The following NFIC variants were observed in gnomAD, a reference collection of about 807,000 sequenced individuals.
The protein encoded by NFIC is nuclear factor I C.
A neutral mutation model predicts 54.4 loss-of-function variants in NFIC; 12 were observed. The observed-to-expected ratio is 0.22, with a 90% confidence interval of 0.14 to 0.36. NFIC has a LOEUF of 0.36. NFIC is among the 10% of genes least tolerant of loss of function. The probability of loss-of-function intolerance (pLI) is 1.00; values close to 1 mark genes in which losing one functional copy is unlikely to be tolerated. For synonymous variants in NFIC, 322 were observed against 319.2 expected, an observed-to-expected ratio of 1.01 and a Z score of -0.09; for missense variants, 575 against 718.2, an observed-to-expected ratio of 0.80 and a Z score of 2.28.
intron 2 of NFIC, among the ~76,000 whole-genome samples, chr19:3,395,258 C>G (rs1365301381): frequency 6.6e-6 from 1 of 152,036 alleles, no homozygotes; most frequent in Non-Finnish European, 1.5e-5. Context: ...ACTGGGGAGG[C>G]TGAGGCAGGA....
intron 2 of NFIC, among the ~76,000 whole-genome samples, chr19:3,399,825 C>T (rs2081525703): frequency 1.3e-5 from 2 of 149,778 alleles, no homozygotes; most frequent in South Asian, 2.1e-4. Context: ...GAGCCGAGAT[C>T]GTGCCACTGC....
rs573011165 is a variant in NFIC, at chr19:3,445,166, C to T, written c.959-3848C>T. Among the ~76,000 whole-genome samples, 688 of 152,144 alleles carry T rather than the reference C, an allele frequency of 4.5e-3. 4 individuals are homozygous for T. Among genetic ancestry groups the T allele is most frequent in the African/African-American group, 0.015 (638 of 41,492 alleles). On this transcript the variant is annotated intron_variant, in intron 6 of 10. Transcript: ENST00000443272. ...CTGTGCACATGCGTGCAGGCATACA[C>T]ACATACATGCACGCACACACATGCA...
intron 1 of NFIC, among the ~76,000 whole-genome samples, chr19:3,373,166 T>C (rs1451827339): frequency 6.6e-6 from 1 of 152,154 alleles, no homozygotes; most frequent in Non-Finnish European, 1.5e-5. Flanking sequence ...GTAGACGTGA[T>C]AGCTCAGCAA....
chr19:3,433,409 G>C, intron 3 of NFIC, 109 bp from the exon 4 acceptor site: 1 of 1,116,750 alleles, frequency 9.0e-7, no homozygotes, highest in Non-Finnish European at 1.3e-6. Context: ...GATGGACAGG[G>C]GGAACGTCCA....
intron 2 of NFIC, among the ~76,000 whole-genome samples, chr19:3,387,749 G>T (rs537645138): frequency 2.0e-5 from 3 of 152,010 alleles, no homozygotes; most frequent in Non-Finnish European, 4.4e-5. Flanking sequence ...GGATGTTCAG[G>T]GGGTAGTGAG....
intron 2 of NFIC, among the ~76,000 whole-genome samples, chr19:3,394,514 T>TCCCCCCCCCCCC (rs199958298): frequency 4.8e-4 from 12 of 25,196 alleles, no homozygotes; most frequent in Non-Finnish European, 7.2e-4. Flanking sequence ...TATGATCTTT[T>TCCCCCCCCCCCC]CCCCACCCAC....
Position 3,449,128 on chromosome 19 carries a change from C to A in NFIC, c.1073C>A (p.Ala358Asp). The change falls in exon 7 of 11, where the codon GCC becomes GAC. Residue 358 changes from alanine to aspartate, a missense_variant. Transcript: ENST00000443272. ...SFTQHHRPVI[A>D]VHSGIARSPH... ...ACCCAGCACCACCGGCCCGTCATCGCCGTGCACAGCGGTAAGCGCCACGGG... is the reference window on the plus strand; with the variant it reads ...ACCCAGCACCACCGGCCCGTCATCGACGTGCACAGCGGTAAGCGCCACGGG... 6.2e-7 allele frequency: 1 copy of A among 1,613,248 alleles called. No homozygotes were observed. The highest frequency in any genetic ancestry group is 8.5e-7 in the Non-Finnish European group (1 of 1,179,616).
intron 2 of NFIC, among the ~76,000 whole-genome samples, chr19:3,385,142 C>A (rs1222304609): frequency 6.7e-6 from 1 of 149,290 alleles, no homozygotes; most frequent in East Asian, 2.0e-4. Context: ...CCAAGGGAAT[C>A]CCTGCTTCAA....
Position 3,380,205 on chromosome 19 carries a change from T to A in NFIC, c.31-1507T>A, listed in dbSNP as rs146006206. Among the ~76,000 whole-genome samples, 22 of 150,090 alleles carry A rather than the reference T, an allele frequency of 1.5e-4. No individual in the cohort carries two copies. In the South Asian group the frequency reaches 4.7e-3, roughly 32 times the overall value. ...TTTTTCAGTAGAGACGGGGTTTCACTGTGTTAGCCAGGATGGTCTCAATCT... is the reference window on the plus strand; with the variant it reads ...TTTTTCAGTAGAGACGGGGTTTCACAGTGTTAGCCAGGATGGTCTCAATCT... On this transcript the variant is annotated intron_variant, in intron 1 of 10. Coordinates refer to ENST00000443272, the MANE Select transcript of NFIC (RefSeq NM_001245002.2).
intron 2 of NFIC, among the ~76,000 whole-genome samples, chr19:3,413,515 GGCGATTACCGTCCCCCATAT>G (rs2145573866): frequency 6.6e-6 from 1 of 152,170 alleles, no homozygotes; most frequent in South Asian, 2.1e-4. Flanking sequence ...TTCCCCAGCT[GGCGATTACCGTCCCCCATAT>G]GGGGACGGTA....
At chr19:3,454,629 C>G (rs1396421177) in intron 9 of NFIC, among the ~76,000 whole-genome samples, 3 of 152,036 alleles carry the variant, frequency 2.0e-5, no homozygotes. Context: ...CCCCACGACC[C>G]CCATGCAGGC....
At chr19:3,366,964 C>CT (rs989526958) in intron 1 of NFIC, among the ~76,000 whole-genome samples, 3 of 148,880 alleles carry the variant, frequency 2.0e-5, no homozygotes, top group Non-Finnish European at 4.5e-5. Context: ...TTGCGTCCCC[C>CT]CCCCACACAC....
upstream of NFIC, among the ~76,000 whole-genome samples, chr19:3,364,634 A>G (rs1378749461): frequency 2.0e-5 from 3 of 152,118 alleles, no homozygotes; most frequent in Non-Finnish European, 2.9e-5. Context: ...TCCTGTTACT[A>G]TAGCCATTTT....
rs1434067207 is a variant in NFIC at position 3,452,906 on chromosome 19, T to TC, written c.1269+243dup. Among the ~76,000 whole-genome samples the TC allele has an allele frequency of 6.6e-6, 1 of 152,054 alleles. No homozygotes were observed. The highest frequency in any genetic ancestry group is 1.5e-5 in the Non-Finnish European group (1 of 68,006). The stretch of plus-strand genomic sequence containing the variant: ...GTGGGGTCTGGGTAGCACCCGTAGG[T>TC]CCCAGCAACTGCGTGAGTCGTACTC... On this transcript the variant is annotated intron_variant, in intron 8 of 10. Transcript: ENST00000443272. The surrounding 1 kb of genome is among the most constrained non-coding windows in gnomAD (Gnocchi z 5.3).
chr19:3,462,923 C>T lies in NFIC; in HGVS notation c.*154C>T, dbSNP rs764284148. 4.6e-6 allele frequency: 7 copies of T among 1,509,028 alleles called. No individual in the cohort carries two copies. The highest frequency in any genetic ancestry group is 1.4e-5 in the African/African-American group (1 of 71,212). 93.5% of individuals were successfully genotyped at this position (1,509,028 alleles called of 1,614,324 possible). On this transcript the variant is annotated 3_prime_UTR_variant, in exon 11 of 11. Transcript: ENST00000443272. The stretch of plus-strand genomic sequence containing the variant: ...CGGCCAAAAAGACAAAACACATAGA[C>T]GCACACACTCAGGAGGAAAAGAAAA...
At chr19:3,429,768 C>T (rs2082092627) in intron 3 of NFIC, among the ~76,000 whole-genome samples, 2 of 152,172 alleles carry the variant, frequency 1.3e-5, no homozygotes, top group African/African-American at 2.4e-5. Flanking sequence ...CTCCCTGGCT[C>T]TTTCCACTCC....
intron 9 of NFIC, chr19:3,454,151 C>A: frequency 7.8e-7 from 1 of 1,288,908 alleles, no homozygotes; most frequent in Non-Finnish European, 9.8e-7. Context: ...AGGGTCTGTC[C>A]CCTTCGCCGA....
intron 6 of NFIC, among the ~76,000 whole-genome samples, chr19:3,437,351 G>A (rs1339118533): frequency 6.6e-6 from 1 of 151,016 alleles, no homozygotes; most frequent in Admixed American, 6.6e-5. Context: ...CTGGGTGACA[G>A]AGCGAGACTC....
chr19:3,440,765 C>A (rs1247874034), intron 6 of NFIC, among the ~76,000 whole-genome samples: 1 of 152,138 alleles, frequency 6.6e-6, no homozygotes, highest in African/African-American at 2.4e-5. Flanking sequence ...AGGTGATCCG[C>A]CCGCCTCGGC....
Sources: allele counts gnomAD v4.1 joint callset (sites outside exome capture counted in the v4.1 genomes callset), GRCh38; gene constraint gnomAD v4.1.1; non-coding constraint Gnocchi (gnomAD v3.1); transcripts MANE v1.5; gene names NCBI Gene and HGNC (gene_info 2026-07-23, HGNC 2026-07-21).